GALNT14: variants seen among roughly 807,000 people sequenced by gnomAD.
GALNT14 encodes UDP-GalNAc:polypeptide N-acetylgalactosaminyltransferase 14.
Under a neutral mutation model 77.5 loss-of-function variants are expected in GALNT14, and 60 were observed. The ratio of observed to expected loss-of-function variants is 0.77; its 90% CI spans 0.63 to 0.96. GALNT14 has a LOEUF of 0.96. Ranked by LOEUF, GALNT14 falls within the 40% of genes least tolerant of loss-of-function variation. GALNT14 has a pLI of 0.00. For missense variants in GALNT14, 710 were observed against 731.0 expected (o/e 0.97, Z 0.33); for synonymous variants, 280 against 281.7 (o/e 0.99, Z 0.06).
intron 1 of GALNT14, among the ~76,000 whole-genome samples, chr2:31,129,082 T>C (rs557348034): frequency 6.6e-5 from 10 of 152,168 alleles, no homozygotes; most frequent in African/African-American, 2.4e-4. Flanking sequence ...AACATACACA[T>C]ATATATTTCA....
intron 1 of GALNT14, among the ~76,000 whole-genome samples, chr2:31,027,886 C>CTGTGTGTGTGTGTGTGTGTG (rs10562223): frequency 0.038 from 5,344 of 141,724 alleles, 155 homozygotes; most frequent in East Asian, 0.076. Flanking sequence ...CAGATGTATT[C>CTGTGTGTGTGTGTGTGTGTG]TGTGTGTGTG....
chr2:31,138,297 G>T lies in GALNT14; in HGVS notation c.-211C>A. 1 of 573,584 alleles carries T rather than the reference G, an allele frequency of 1.7e-6. No homozygotes were observed. Among genetic ancestry groups the T allele is most frequent in the Non-Finnish European group, 3.0e-6 (1 of 332,142 alleles). The allele number at this position is 573,584 out of a possible 1,614,324, so 35.5% of individuals were successfully genotyped here. A position where few individuals can be genotyped will look rare whatever the true frequency, so the allele number is the denominator to read the frequency against. On this transcript the variant is annotated 5_prime_UTR_variant, in exon 1 of 15. Coordinates refer to ENST00000349752, the MANE Select transcript of GALNT14 (RefSeq NM_024572.4). The stretch of plus-strand genomic sequence containing the variant: ...TGGGGGGTGCAGGGCGACCCGAAAC[G>T]TGGCAGGGAAGGACCGAGGGCAGCC...
intron 1 of GALNT14, among the ~76,000 whole-genome samples, chr2:31,053,680 AT>A (rs1238920627): frequency 7.2e-5 from 11 of 152,216 alleles, no homozygotes; most frequent in African/African-American, 2.4e-4. Flanking sequence ...GCCTGCTTCC[AT>A]TACTAGATTC....
At chr2:31,074,497 G>C (rs1675632649) in intron 1 of GALNT14, among the ~76,000 whole-genome samples, 1 of 152,034 alleles carries the variant, frequency 6.6e-6, no homozygotes, top group African/African-American at 2.4e-5. Flanking sequence ...TGGGCGGGTT[G>C]ATCTGGGCTG....
At chr2:30,930,987 C>T (rs1318227078) in intron 10 of GALNT14, among the ~76,000 whole-genome samples, 6 of 152,242 alleles carry the variant, frequency 3.9e-5, no homozygotes, top group South Asian at 2.1e-4. Flanking sequence ...GCCGGCCCCC[C>T]TCCAGGCGGC....
At position 31,122,320 on chromosome 2, in the gene GALNT14, G is replaced by A. The variant is rs144240370; in HGVS notation, c.129+15638C>T. Among the ~76,000 whole-genome samples the A allele has an allele frequency of 3.8e-3, 572 of 152,342 alleles. 2 individuals are homozygous for A. The highest frequency in any genetic ancestry group is 4.4e-3 in the Non-Finnish European group (301 of 68,034). On this transcript the variant is annotated intron_variant, in intron 1 of 14. Transcript: ENST00000349752. ...AAGCTCTTCCCACATTACCTGGCAT[G>A]GAGGAAGCCTCCAGAATCGCTGTGA...
intron 2 of GALNT14, among the ~76,000 whole-genome samples, chr2:30,991,662 C>T (rs917486383): frequency 1.4e-4 from 21 of 152,122 alleles, no homozygotes; most frequent in Non-Finnish European, 2.6e-4. Context: ...GTTCACCCCC[C>T]TTGCTATATT....
intron 2 of GALNT14, among the ~76,000 whole-genome samples, chr2:30,981,864 G>A (rs981900536): frequency 2.0e-5 from 3 of 152,190 alleles, no homozygotes; most frequent in Non-Finnish European, 4.4e-5. Flanking sequence ...GGAGCTGAAG[G>A]CATTGTTGGG....
In GALNT14 at chr2:31,119,959, A is replaced by G. The variant is rs1272542971; in HGVS notation, c.129+17999T>C. Among the ~76,000 whole-genome samples the G allele has an allele frequency of 2.6e-5, 2 of 77,840 alleles. 1 individual carries two copies. The highest frequency in any genetic ancestry group is 7.3e-5 in the Non-Finnish European group (2 of 27,330). 51.1% of individuals were successfully genotyped at this position (77,840 alleles called of 152,430 possible). ...ATCACGAGGTCAGGAGATCGAGACC[A>G]TCCTGGCTAACAAGGTGAAACCCCG... On this transcript the variant is annotated intron_variant, in intron 1 of 14. Transcript: ENST00000349752.
intron 9 of GALNT14, among the ~76,000 whole-genome samples, chr2:30,938,382 A>ACTCT (rs1308784183): frequency 3.5e-5 from 5 of 143,512 alleles, no homozygotes; most frequent in African/African-American, 1.2e-4. Flanking sequence ...ACACACACAC[A>ACTCT]CACTCTCTCT....
intron 9 of GALNT14, among the ~76,000 whole-genome samples, chr2:30,939,462 G>A (rs1407199533): frequency 6.6e-6 from 1 of 152,214 alleles, no homozygotes; most frequent in South Asian, 2.1e-4. Context: ...TGAGGCAGGA[G>A]CAGGCTGATG....
intron 1 of GALNT14, among the ~76,000 whole-genome samples, chr2:31,109,289 G>A (rs1677720181): frequency 6.6e-6 from 1 of 152,154 alleles, no homozygotes; most frequent in Non-Finnish European, 1.5e-5. Flanking sequence ...AAGAGTGGAG[G>A]AAGTGACTGC....
intron 1 of GALNT14, among the ~76,000 whole-genome samples, chr2:31,086,278 T>G (rs1676426054): frequency 6.6e-6 from 1 of 152,198 alleles, no homozygotes; most frequent in African/African-American, 2.4e-5. Context: ...AAGAAGTCAC[T>G]GCCTTTAATT....
intron 3 of GALNT14, among the ~76,000 whole-genome samples, chr2:30,963,880 C>A (rs577485400): frequency 6.6e-6 from 1 of 152,274 alleles, no homozygotes; most frequent in East Asian, 1.9e-4. Context: ...CCTTAGCAAC[C>A]CTATGCACTA....
intron 1 of GALNT14, among the ~76,000 whole-genome samples, chr2:31,082,150 C>A (rs976334565): frequency 3.3e-5 from 5 of 152,206 alleles, no homozygotes. Context: ...GATGCCAGGA[C>A]CTGAAATCGG....
chr2:31,125,194 T>TA, intron 1 of GALNT14: 1 of 1,550,536 alleles, frequency 6.4e-7, no homozygotes, highest in Non-Finnish European at 8.7e-7. Flanking sequence ...GAGTGGGTGA[T>TA]ACAGGCACCT....
chr2:31,057,867 G>C (rs531234854), intron 1 of GALNT14, among the ~76,000 whole-genome samples: 2 of 152,056 alleles, frequency 1.3e-5, no homozygotes, highest in Admixed American at 6.5e-5. Context: ...GTTGGGTTGA[G>C]CCTCAGCTGG....
intron 1 of GALNT14, among the ~76,000 whole-genome samples, chr2:31,077,727 CT>C (rs1675887605): frequency 6.6e-6 from 1 of 152,222 alleles, no homozygotes; most frequent in Non-Finnish European, 1.5e-5. Flanking sequence ...CAACTTTTCC[CT>C]GAGCACCAGG....
chr2:31,136,780 C>T (rs1679246419), intron 1 of GALNT14, among the ~76,000 whole-genome samples: 1 of 152,100 alleles, frequency 6.6e-6, no homozygotes, highest in African/African-American at 2.4e-5. Flanking sequence ...ACTTAAAGAC[C>T]CTGAACCTGT....
Sources: allele counts gnomAD v4.1 joint callset (sites outside exome capture counted in the v4.1 genomes callset), GRCh38; gene constraint gnomAD v4.1.1; transcripts MANE v1.5; gene names NCBI Gene and HGNC (gene_info 2026-07-23, HGNC 2026-07-21).